The following LNX1 variants were observed in gnomAD, a reference collection of about 807,000 sequenced individuals.
The protein encoded by LNX1 is ligand of numb-protein X 1.
LNX1 carries 54 observed loss-of-function variants against 68.4 expected under a neutral mutation model. The ratio of observed to expected loss-of-function variants is 0.79; its 90% confidence interval spans 0.63 to 0.99. The LOEUF (loss-of-function observed/expected upper bound fraction) is 0.99. LNX1 is among the 50% of genes least tolerant of loss of function. The pLI, the probability that LNX1 is intolerant of heterozygous loss-of-function variation, is 0.00. For missense variants in LNX1, 906 were observed against 926.4 expected, an observed-to-expected ratio of 0.98 and a Z score of 0.29; for synonymous variants, 336 against 350.0, an observed-to-expected ratio of 0.96 and a Z score of 0.45.
intron 6 of LNX1, among the ~76,000 whole-genome samples, chr4:53,489,949 C>T (rs750615181): frequency 1.1e-4 from 16 of 151,760 alleles, no homozygotes; most frequent in African/African-American, 1.7e-4. Context: ...TTACTGGCTC[C>T]GGGGGACTTG....
intron 2 of LNX1, among the ~76,000 whole-genome samples, chr4:53,599,381 G>A (rs762304959): frequency 7.9e-5 from 12 of 152,100 alleles, no homozygotes; most frequent in Non-Finnish European, 1.3e-4. Flanking sequence ...TAAATGCCAC[G>A]GCAACATCAG....
At chr4:53,542,539 A>C (rs1390885548) in intron 2 of LNX1, among the ~76,000 whole-genome samples, 1 of 152,212 alleles carries the variant, frequency 6.6e-6, no homozygotes, top group Non-Finnish European at 1.5e-5. Context: ...ATGACCTAGG[A>C]GCAAGTGTCA....
intron 1 of LNX1, among the ~76,000 whole-genome samples, chr4:53,630,483 C>T (rs1346012595): frequency 6.6e-6 from 1 of 152,052 alleles, no homozygotes; most frequent in Admixed American, 6.6e-5. Flanking sequence ...ACTAGTGCCA[C>T]TTTTTTCTTA....
intron 1 of LNX1, among the ~76,000 whole-genome samples, chr4:53,644,797 T>C (rs146739391): frequency 6.6e-6 from 1 of 152,274 alleles, no homozygotes; most frequent in East Asian, 1.9e-4. Context: ...AAGGTCGTTA[T>C]TACCAACCCA....
intron 2 of LNX1, among the ~76,000 whole-genome samples, chr4:53,554,560 A>G (rs1200093018): frequency 6.6e-6 from 1 of 152,226 alleles, no homozygotes; most frequent in Non-Finnish European, 1.5e-5. Context: ...TACATGTTTT[A>G]AAATAATTCC....
At chr4:53,549,464 T>C (rs1185183156) in intron 2 of LNX1, 1 of 93,878 alleles carries the variant, frequency 1.1e-5, no homozygotes, top group Non-Finnish European at 2.8e-5. Context: ...GAGGAGGAGG[T>C]TGAAAGAAAC....
chr4:53,483,361 C>T (rs1484465985), intron 6 of LNX1, among the ~76,000 whole-genome samples: 1 of 152,164 alleles, frequency 6.6e-6, no homozygotes, highest in Non-Finnish European at 1.5e-5. Flanking sequence ...AGCATGAGAG[C>T]AGACAAATAC....
intron 1 of LNX1, chr4:53,616,616 G>A (rs1236090948): frequency 6.6e-6 from 1 of 152,152 alleles, no homozygotes; most frequent in Non-Finnish European, 1.5e-5. Flanking sequence ...TCCAGTTGTT[G>A]GTGGACTGAG....
intron 2 of LNX1, among the ~76,000 whole-genome samples, chr4:53,522,027 A>G (rs1156253559): frequency 6.6e-6 from 1 of 152,012 alleles, no homozygotes; most frequent in Non-Finnish European, 1.5e-5. Context: ...ATTTCTAGGC[A>G]CAAGCAATCC....
At chr4:53,550,613 T>C (rs1180209916) in intron 2 of LNX1, among the ~76,000 whole-genome samples, 2 of 152,324 alleles carry the variant, frequency 1.3e-5, no homozygotes, top group South Asian at 2.1e-4. Flanking sequence ...AGGAAATGGA[T>C]GCTAAGGCAA....
intron 1 of LNX1, among the ~76,000 whole-genome samples, chr4:53,587,789 A>T (rs1375310383): frequency 1.3e-5 from 2 of 152,174 alleles, no homozygotes; most frequent in Non-Finnish European, 2.9e-5. Flanking sequence ...GAAGCCAGGA[A>T]ATCACCGCTC....
intron 9 of LNX1, among the ~76,000 whole-genome samples, chr4:53,470,037 A>C (rs1228889155): frequency 3.3e-5 from 5 of 152,196 alleles, no homozygotes; most frequent in Admixed American, 2.0e-4. Context: ...AGACACAACA[A>C]AAAAAGAGAA....
chr4:53,511,431 G>A (rs1726330190), intron 2 of LNX1, among the ~76,000 whole-genome samples: 1 of 152,142 alleles, frequency 6.6e-6, no homozygotes. Context: ...CAGTTACTCT[G>A]AGCACTAAGT....
intron 2 of LNX1, among the ~76,000 whole-genome samples, chr4:53,612,781 A>ACT (rs1733545650): frequency 6.6e-6 from 1 of 150,826 alleles, no homozygotes. Context: ...GCTACTCAGG[A>ACT]GGCTGAGCTG....
In LNX1 at chr4:53,498,739, T is replaced by C. The variant is rs775636773; in HGVS notation, c.880A>G (p.Ser294Gly). Residue 294 changes from serine (S) to glycine (G), a missense_variant, in exon 5 of 11, where the codon AGC becomes GGC. Ser to Gly is a moderately conservative substitution (Grantham distance 56). Coordinates refer to ENST00000263925, the MANE Select transcript of LNX1 (RefSeq NM_001126328.3). ...ATGATATGGACCAGTGGGGTTTCGCTACCTCCCACCAGCCTAATAGAGAGG... is the reference window on the plus strand; with the variant it reads ...ATGATATGGACCAGTGGGGTTTCGCCACCTCCCACCAGCCTAATAGAGAGG... ...ESLSIRLVGG[S>G]ETPLVHIIIQ... 9.9e-6 allele frequency: 16 copies of C among 1,613,970 alleles called. No individual in the cohort carries two copies. In the Admixed American group the frequency reaches 2.5e-4, roughly 25 times the overall value.
intron 1 of LNX1, chr4:53,576,018 C>G: frequency 6.4e-7 from 1 of 1,569,556 alleles, no homozygotes; most frequent in Non-Finnish European, 8.6e-7. Flanking sequence ...TTCCCCCCAC[C>G]AGCCTGAAGC....
chr4:53,574,440 T>C (rs1731361279), intron 1 of LNX1, among the ~76,000 whole-genome samples: 1 of 124,152 alleles, frequency 8.1e-6, no homozygotes, highest in Non-Finnish European at 1.8e-5. Context: ...TCTTGTCAGA[T>C]CAGGACAAGA....
intron 1 of LNX1, among the ~76,000 whole-genome samples, chr4:53,635,293 G>T (rs2070372580): frequency 6.6e-6 from 1 of 152,184 alleles, no homozygotes; most frequent in South Asian, 2.1e-4. Context: ...CACTGACGTT[G>T]TTTGAACTAG....
chr4:53,481,958 GC>G (rs1433196323), intron 6 of LNX1, 104 bp from the exon 7 acceptor site: 252 of 1,336,154 alleles, frequency 1.9e-4, no homozygotes, highest in Non-Finnish European at 2.4e-4. Flanking sequence ...TTTTTTTATG[GC>G]AAAACATGAT....
Sources: allele counts gnomAD v4.1 joint callset (sites outside exome capture counted in the v4.1 genomes callset), GRCh38; gene constraint gnomAD v4.1.1; transcripts MANE v1.5; gene names NCBI Gene and HGNC (gene_info 2026-07-23, HGNC 2026-07-21).